The following DOCK2 variants were observed in gnomAD, a reference collection of about 807,000 sequenced individuals.
DOCK2 encodes the protein dedicator of cytokinesis 2.
In DOCK2, 87 loss-of-function variants were observed where a neutral mutation model predicts 248.9. The observed-to-expected ratio is 0.35, with a 90% CI of 0.29 to 0.42. DOCK2 has a LOEUF of 0.42. Among genes scored for constraint, DOCK2 ranks in the 10% least tolerant of loss-of-function variants. DOCK2 has a pLI of 1.00. For synonymous variants in DOCK2, 805 were observed against 821.6 expected (o/e 0.98, Z 0.35); for missense variants, 1,747 against 2,300.2 (o/e 0.76, Z 4.92).
intron 49 of DOCK2, 141 bp downstream of exon 49, chr5:170,079,287 G>A (rs920613148): frequency 8.7e-7 from 1 of 1,153,048 alleles, no homozygotes; most frequent in Non-Finnish European, 1.2e-6. Context: ...GGCGGCACCT[G>A]AGGAGCTGAG....
intron 6 of DOCK2, among the ~76,000 whole-genome samples, chr5:169,676,715 G>T (rs1759353662): frequency 6.6e-6 from 1 of 152,152 alleles, no homozygotes; most frequent in South Asian, 2.1e-4. Flanking sequence ...CTGGGAGATT[G>T]GGTGGGGGTG....
At chr5:169,935,922 C>G (rs962204286) in intron 27 of DOCK2, among the ~76,000 whole-genome samples, 4 of 152,194 alleles carry the variant, frequency 2.6e-5, no homozygotes, top group African/African-American at 9.7e-5. Flanking sequence ...GCTACATCCT[C>G]AAATGGTTAC....
chr5:170,008,227 A>AC (rs200780970), intron 30 of DOCK2, among the ~76,000 whole-genome samples: 2,045 of 81,512 alleles, frequency 0.025, 19 homozygotes, highest in Non-Finnish European at 0.034. Context: ...AACAACAACA[A>AC]AAAAAAAAAA....
intron 27 of DOCK2, among the ~76,000 whole-genome samples, chr5:169,943,989 T>G (rs1581453105): frequency 6.6e-6 from 1 of 152,238 alleles, no homozygotes; most frequent in East Asian, 1.9e-4. Context: ...AGTGGGCTAA[T>G]AGCATGGTGT....
At chr5:170,080,103 T>G (rs1032329059) in intron 49 of DOCK2, 60 bp from the exon 50 acceptor site, 2 of 1,601,230 alleles carry the variant, frequency 1.2e-6, no homozygotes, top group African/African-American at 2.7e-5. Context: ...GACCCAGATC[T>G]GCCTCATGCT....
chr5:169,819,413 G>A (rs1768279184), intron 26 of DOCK2, among the ~76,000 whole-genome samples: 1 of 152,184 alleles, frequency 6.6e-6, no homozygotes, highest in South Asian at 2.1e-4. Context: ...TTGAGCTGAG[G>A]AGGTTGAAGC....
chr5:169,689,299 T>C lies in DOCK2; in HGVS notation c.809T>C (p.Ile270Thr). 1 of 1,614,062 alleles carries C rather than the reference T, an allele frequency of 6.2e-7. No individual in the cohort carries two copies. Among genetic ancestry groups the C allele is most frequent in the Non-Finnish European group, 8.5e-7 (1 of 1,179,978 alleles). Reference protein sequence around the residue: ...RWGSRGFPKEIEMLNNLKVVF... With the variant: ...RWGSRGFPKETEMLNNLKVVF... ...GGCAGCCGGGGCTTCCCTAAGGAGA[T>C]TGAGATGCTCAACAATCTGAAGGTG... The change falls in exon 9 of 52, where the codon ATT (isoleucine) becomes ACT (threonine). Residue 270 changes from isoleucine to threonine, a missense_variant. Physicochemically the swap from Ile to Thr is moderately conservative, Grantham distance 89. Coordinates refer to ENST00000520908, the MANE Select transcript of DOCK2 (RefSeq NM_004946.3).
intron 27 of DOCK2, among the ~76,000 whole-genome samples, chr5:169,873,283 T>A (rs1288799004): frequency 6.6e-6 from 1 of 152,248 alleles, no homozygotes; most frequent in Non-Finnish European, 1.5e-5. Context: ...AATCTCCTGT[T>A]GGGACTCAGA....
At chr5:169,653,682 A>G (rs1757934751) in intron 1 of DOCK2, among the ~76,000 whole-genome samples, 2 of 152,210 alleles carry the variant, frequency 1.3e-5, no homozygotes, top group Non-Finnish European at 2.9e-5. Context: ...TGGCTCCAGC[A>G]TGTTATCTCC....
Position 169,977,859 on chromosome 5 carries a change from C to G in DOCK2, c.2800-5209C>G, listed in dbSNP as rs538339292. On this transcript the variant is annotated intron_variant, in intron 27 of 51. Transcript: ENST00000520908. ...GTCCCTGTTTTTCCTGACACCAAAGCCTCCCACTTCCAGTCCTAGACCCAC... is the reference window on the plus strand; with the variant it reads ...GTCCCTGTTTTTCCTGACACCAAAGGCTCCCACTTCCAGTCCTAGACCCAC... Among the ~76,000 whole-genome samples, 6 of 152,268 alleles carry G rather than the reference C, an allele frequency of 3.9e-5. No individual in the cohort carries two copies. The South Asian group carries it at 1.2e-3, about 32-fold the overall frequency.
At chr5:169,697,342 C>G (rs1729903356) in intron 10 of DOCK2, among the ~76,000 whole-genome samples, 1 of 152,152 alleles carries the variant, frequency 6.6e-6, no homozygotes, top group South Asian at 2.1e-4. Flanking sequence ...AACTAGTTGG[C>G]AAATTATCAG....
At chr5:170,033,091 C>T (rs1467028151) in intron 34 of DOCK2, among the ~76,000 whole-genome samples, 1 of 151,540 alleles carries the variant, frequency 6.6e-6, no homozygotes, top group South Asian at 2.1e-4. Context: ...GGAAATAATT[C>T]TCACTTATCA....
intron 44 of DOCK2, among the ~76,000 whole-genome samples, chr5:170,058,005 C>T (rs1223532652): frequency 6.6e-6 from 1 of 152,182 alleles, no homozygotes; most frequent in Admixed American, 6.5e-5. Flanking sequence ...ATACTCCTCT[C>T]ATCACAGCAC....
At chr5:169,862,369 A>G (rs1468648218) in intron 27 of DOCK2, among the ~76,000 whole-genome samples, 2 of 152,222 alleles carry the variant, frequency 1.3e-5, no homozygotes, top group African/African-American at 4.8e-5. Context: ...AGCGTAAGCA[A>G]AGCAAATTAA....
intron 27 of DOCK2, among the ~76,000 whole-genome samples, chr5:169,927,364 A>G (rs1037252543): frequency 2.5e-4 from 38 of 152,306 alleles, no homozygotes; most frequent in African/African-American, 7.5e-4. Context: ...TGGAGATTCA[A>G]TAGAGATTGC....
intron 29 of DOCK2, among the ~76,000 whole-genome samples, chr5:169,988,439 T>C (rs1778125384): frequency 6.6e-6 from 1 of 152,186 alleles, no homozygotes; most frequent in Admixed American, 6.5e-5. Flanking sequence ...GTTGCATTGC[T>C]GAAAAGAAAC....
intron 20 of DOCK2, among the ~76,000 whole-genome samples, 193 bp downstream of exon 20, chr5:169,716,495 G>A (rs931447894): frequency 6.6e-6 from 1 of 152,206 alleles, no homozygotes; most frequent in Non-Finnish European, 1.5e-5. Flanking sequence ...TCATTTGAAA[G>A]CATGAGGCAT....
intron 25 of DOCK2, among the ~76,000 whole-genome samples, chr5:169,796,973 G>A (rs534660413): frequency 6.6e-6 from 1 of 152,350 alleles, no homozygotes; most frequent in South Asian, 2.1e-4. Context: ...GAGGGCAATA[G>A]GAAGTTACTG....
chr5:169,968,010 A>G (rs959921174), intron 27 of DOCK2, among the ~76,000 whole-genome samples: 1 of 152,212 alleles, frequency 6.6e-6, no homozygotes, highest in African/African-American at 2.4e-5. Context: ...TGACATGTTA[A>G]TATGAGCTGC....
Sources: allele counts gnomAD v4.1 joint callset (sites outside exome capture counted in the v4.1 genomes callset), GRCh38; gene constraint gnomAD v4.1.1; transcripts MANE v1.5; gene names NCBI Gene and HGNC (gene_info 2026-07-23, HGNC 2026-07-21).